Variants in ADAMDEC1 observed in about 807,000 individuals in gnomAD.
The protein encoded by ADAMDEC1 is ADAM DEC1.
In ADAMDEC1, 62 loss-of-function variants were observed where a neutral mutation model predicts 60.4. That is an observed-to-expected ratio of 1.03 (90% CI 0.84 to 1.27). ADAMDEC1 has a LOEUF of 1.27. ADAMDEC1 is among the 50% of genes most tolerant of loss of function. ADAMDEC1 has a pLI of 0.00. For synonymous variants in ADAMDEC1, 210 were observed against 195.1 expected (o/e 1.08, Z -0.64); for missense variants, 595 against 565.0 (o/e 1.05, Z -0.54).
At position 24,394,053 on chromosome 8, in the gene ADAMDEC1, T is replaced by C. The variant is rs1817517900; in HGVS notation, c.285-16T>C. 1.9e-6 allele frequency: 3 copies of C among 1,593,778 alleles called. No homozygotes were observed. The highest frequency in any genetic ancestry group is 2.6e-6 in the Non-Finnish European group (3 of 1,162,108). ...TACCATCCTGAGTGGTCCATGCAGCTCTCTGCTCTCTACAGGCACCTCCTG... is the reference window on the plus strand; with the variant it reads ...TACCATCCTGAGTGGTCCATGCAGCCCTCTGCTCTCTACAGGCACCTCCTG... On this transcript the variant is annotated splice_polypyrimidine_tract_variant and intron_variant, in intron 3 of 13. Transcript: ENST00000256412.
chr8:24,402,193 G>A (rs557084371), intron 12 of ADAMDEC1, 101 bp downstream of exon 12: 22 of 1,120,450 alleles, frequency 2.0e-5, no homozygotes, highest in Admixed American at 8.9e-5. Flanking sequence ...ACTTGGCATC[G>A]TAGTTAAAAA....
intron 1 of ADAMDEC1, among the ~76,000 whole-genome samples, 164 bp downstream of exon 1, chr8:24,384,756 A>G (rs372423249): frequency 5.9e-5 from 9 of 152,204 alleles, no homozygotes; most frequent in East Asian, 5.8e-4. Flanking sequence ...CTATATATAC[A>G]TAAGTATGTG....
intron 11 of ADAMDEC1, among the ~76,000 whole-genome samples, chr8:24,400,827 C>T (rs1025293087): frequency 1.4e-5 from 2 of 144,226 alleles, no homozygotes; most frequent in African/African-American, 2.6e-5. Flanking sequence ...TGATGTTCCC[C>T]TTCCTGTGTC....
At chr8:24,392,503 T>A (rs1817471335) in intron 2 of ADAMDEC1, 123 bp downstream of exon 2, 1 of 657,248 alleles carries the variant, frequency 1.5e-6, no homozygotes, top group Non-Finnish European at 2.5e-6. Flanking sequence ...AGCCCATGTA[T>A]ACAACTCCCC....
At chr8:24,394,320 G>T (rs1474558407) in intron 4 of ADAMDEC1, among the ~76,000 whole-genome samples, 173 bp downstream of exon 4, 1 of 152,158 alleles carries the variant, frequency 6.6e-6, no homozygotes, top group East Asian at 1.9e-4. Context: ...TATGATCAAT[G>T]AGACAACAGT....
intron 1 of ADAMDEC1, among the ~76,000 whole-genome samples, 175 bp from the exon 2 acceptor site, chr8:24,392,087 C>T (rs1289211925): frequency 6.6e-6 from 1 of 151,878 alleles, no homozygotes; most frequent in African/African-American, 2.4e-5. Flanking sequence ...AAAAAAAATC[C>T]TTGTCATCAA....
chr8:24,396,293 G>A (rs186544652), intron 5 of ADAMDEC1, among the ~76,000 whole-genome samples: 2 of 152,262 alleles, frequency 1.3e-5, no homozygotes, highest in African/African-American at 4.8e-5. Flanking sequence ...GGCAGATCAG[G>A]AGGTCAGAAG....
At chr8:24,394,422 C>G (rs1197552921) in intron 4 of ADAMDEC1, among the ~76,000 whole-genome samples, 1 of 152,202 alleles carries the variant, frequency 6.6e-6, no homozygotes, top group Non-Finnish European at 1.5e-5. Context: ...CCACTTCTCC[C>G]TAGACCATTT....
chr8:24,400,121 G>A, intron 10 of ADAMDEC1, 49 bp from the exon 11 acceptor site: 2 of 1,420,522 alleles, frequency 1.4e-6, no homozygotes, highest in Non-Finnish European at 1.9e-6. Flanking sequence ...CTGCACATTG[G>A]CAACAATTAA....
At chr8:24,399,329 T>C (rs1246511609) in intron 9 of ADAMDEC1, 64 bp from the exon 10 acceptor site, 2 of 1,510,778 alleles carry the variant, frequency 1.3e-6, no homozygotes, top group African/African-American at 2.7e-5. Context: ...TTAATGTAAT[T>C]AACAAAAGCT....
Position 24,405,358 on chromosome 8 carries a change from C to A in ADAMDEC1, c.*60C>A, listed in dbSNP as rs1585819193. 6.3e-7 allele frequency: 1 copy of A among 1,586,390 alleles called. No homozygotes were observed. ...CCAGGACAAGAACCAAGAACTCTAACTGTCCCAGGAATCTTGTGAATTTTC... is the reference window on the plus strand; with the variant it reads ...CCAGGACAAGAACCAAGAACTCTAAATGTCCCAGGAATCTTGTGAATTTTC... On this transcript the variant is annotated 3_prime_UTR_variant, in exon 14 of 14. Coordinates refer to ENST00000256412, the MANE Select transcript of ADAMDEC1 (RefSeq NM_014479.3).
At position 24,401,910 on chromosome 8, in the gene ADAMDEC1, T is replaced by C. The variant is rs1352296072; in HGVS notation, c.1143-5T>C. 1.2e-6 allele frequency: 2 copies of C among 1,604,636 alleles called. No individual in the cohort carries two copies. Among genetic ancestry groups the C allele is most frequent in the Non-Finnish European group, 8.5e-7 (1 of 1,177,290 alleles). On this transcript the variant is annotated splice_polypyrimidine_tract_variant and splice_region_variant and intron_variant, in intron 11 of 13. Transcript: ENST00000256412. ...CATATTATTTGAGTTTTCTTCTGATTACAGTTCAAAATTCCCAAAGGATTT... is the reference window on the plus strand; with the variant it reads ...CATATTATTTGAGTTTTCTTCTGATCACAGTTCAAAATTCCCAAAGGATTT...
intron 1 of ADAMDEC1, chr8:24,387,575 T>A (rs1204537654): frequency 6.6e-6 from 1 of 152,174 alleles, no homozygotes; most frequent in African/African-American, 2.4e-5. Context: ...AAAACAACAG[T>A]TTGCATAAGG....
intron 1 of ADAMDEC1, among the ~76,000 whole-genome samples, chr8:24,385,685 T>C (rs1217495884): frequency 6.6e-6 from 1 of 152,060 alleles, no homozygotes; most frequent in African/African-American, 2.4e-5. Flanking sequence ...AAAAATCAAA[T>C]CCATGTATTT....
chr8:24,404,623 A>G (rs1817845017), intron 13 of ADAMDEC1, among the ~76,000 whole-genome samples: 1 of 152,172 alleles, frequency 6.6e-6, no homozygotes, highest in African/African-American at 2.4e-5. Flanking sequence ...TACTTGGAAA[A>G]TGGTACTTGT....
chr8:24,396,548 A>G (rs756618945), intron 5 of ADAMDEC1, among the ~76,000 whole-genome samples: 2 of 152,182 alleles, frequency 1.3e-5, no homozygotes, highest in Non-Finnish European at 1.5e-5. Flanking sequence ...AACAACTACC[A>G]CAAAAGTTGA....
intron 1 of ADAMDEC1, among the ~76,000 whole-genome samples, chr8:24,385,924 G>C (rs1220904160): frequency 2.1e-5 from 3 of 140,166 alleles, no homozygotes; most frequent in Non-Finnish European, 4.6e-5. Context: ...AACATGTAAT[G>C]AAATAGAACT....
At chr8:24,401,063 G>A (rs1234799352) in intron 11 of ADAMDEC1, among the ~76,000 whole-genome samples, 1 of 151,980 alleles carries the variant, frequency 6.6e-6, no homozygotes, top group African/African-American at 2.4e-5. Flanking sequence ...TTGGTTCCAA[G>A]TCTTTGCTAT....
intron 2 of ADAMDEC1, among the ~76,000 whole-genome samples, chr8:24,393,059 A>G (rs1817492213): frequency 6.6e-6 from 1 of 152,014 alleles, no homozygotes; most frequent in African/African-American, 2.4e-5. Flanking sequence ...AGTTTAATCT[A>G]TAAGTGTTAT....
Sources: allele counts gnomAD v4.1 joint callset (sites outside exome capture counted in the v4.1 genomes callset), GRCh38; gene constraint gnomAD v4.1.1; transcripts MANE v1.5; gene names NCBI Gene and HGNC (gene_info 2026-07-23, HGNC 2026-07-21).